STK33: variants seen among roughly 807,000 people sequenced by gnomAD.
The protein encoded by STK33 is serine/threonine kinase 33.
A neutral mutation model predicts 58.0 loss-of-function variants in STK33; 52 were observed. The ratio of observed to expected loss-of-function variants is 0.90; its 90% CI spans 0.72 to 1.13. STK33 has a LOEUF of 1.13. Among genes scored for constraint, STK33 ranks in the 50% most tolerant of loss-of-function variants. The pLI, the probability that STK33 is intolerant of heterozygous loss-of-function variation, is 0.00. For synonymous variants in STK33, 215 were observed against 200.1 expected (o/e 1.07, Z -0.63); for missense variants, 630 against 604.2 (o/e 1.04, Z -0.45).
the STK33 span, among the ~76,000 whole-genome samples, chr11:8,373,741 T>C: frequency 6.6e-6 from 1 of 152,072 alleles, no homozygotes; most frequent in South Asian, 2.1e-4. Context: ...CTGCAGGTTG[T>C]GGGGCGTGGA....
chr11:8,492,002 A>G lies in STK33; in HGVS notation c.-465-11388T>C, dbSNP rs183943811. On this transcript the variant is annotated intron_variant, in intron 1 of 15. Transcript: ENST00000687296. ...CCACTGCAAAAACACGCCAAATTGTAAAGACCATCAATGCTAGGAAGAAAC... is the reference window on the plus strand; with the variant it reads ...CCACTGCAAAAACACGCCAAATTGTGAAGACCATCAATGCTAGGAAGAAAC... 2.1e-3 allele frequency among the ~76,000 whole-genome samples: 321 copies of G among 152,348 alleles called. 1 individual carries two copies. The highest frequency in any genetic ancestry group is 4.1e-3 in the Admixed American group (63 of 15,298).
At chr11:8,384,262 CTG>C in the STK33 span, among the ~76,000 whole-genome samples, 1 of 152,202 alleles carries the variant, frequency 6.6e-6, no homozygotes, top group Non-Finnish European at 1.5e-5. Context: ...TGAAGGAACA[CTG>C]TGAGAAGTGA....
At chr11:8,568,793 GAC>G (rs1468342685) in intron 1 of STK33, among the ~76,000 whole-genome samples, 21 of 152,082 alleles carry the variant, frequency 1.4e-4, no homozygotes, top group Non-Finnish European at 2.2e-4. Context: ...ATCCTTTGTA[GAC>G]AGACCTTAAT....
the STK33 span, among the ~76,000 whole-genome samples, chr11:8,375,284 T>C: frequency 6.6e-6 from 1 of 152,236 alleles, no homozygotes; most frequent in African/African-American, 2.4e-5. Context: ...CCAATGTACA[T>C]CTTTCTAACA....
At chr11:8,592,528 A>G (rs1241636396) in intron 1 of STK33, among the ~76,000 whole-genome samples, 1 of 152,194 alleles carries the variant, frequency 6.6e-6, no homozygotes, top group Non-Finnish European at 1.5e-5. Flanking sequence ...CTTTCTGAAA[A>G]ACAGTATGGC....
At chr11:8,374,655 A>C in the STK33 span, among the ~76,000 whole-genome samples, 1 of 152,168 alleles carries the variant, frequency 6.6e-6, no homozygotes, top group Non-Finnish European at 1.5e-5. Flanking sequence ...ACCTCTATAA[A>C]ATCCCTACCT....
chr11:8,578,634 A>T (rs1023036230), intron 1 of STK33, among the ~76,000 whole-genome samples: 4 of 151,916 alleles, frequency 2.6e-5, no homozygotes, highest in African/African-American at 9.7e-5. Flanking sequence ...CTCTGAAAGC[A>T]TACTCAATTG....
intron 8 of STK33, among the ~76,000 whole-genome samples, chr11:8,459,528 T>C (rs1459678468): frequency 1.3e-5 from 2 of 152,010 alleles, no homozygotes; most frequent in Non-Finnish European, 2.9e-5. Context: ...CTGGGCAAAA[T>C]ATATAAAACA....
At chr11:8,425,193 T>C (rs1214940632) in intron 14 of STK33, among the ~76,000 whole-genome samples, 2 of 152,186 alleles carry the variant, frequency 1.3e-5, no homozygotes, top group African/African-American at 4.8e-5. Context: ...CAGTTTCAGC[T>C]TTCTACATAT....
the STK33 span, among the ~76,000 whole-genome samples, chr11:8,345,507 C>T: frequency 5.3e-3 from 810 of 152,360 alleles, 5 homozygotes; most frequent in Non-Finnish European, 7.6e-3. Flanking sequence ...ACGGAGCTAA[C>T]GGTGTAATGA....
chr11:8,583,747 G>C (rs1183670576), intron 1 of STK33, among the ~76,000 whole-genome samples: 3 of 151,942 alleles, frequency 2.0e-5, no homozygotes, highest in African/African-American at 4.8e-5. Flanking sequence ...CTCATCTAAA[G>C]AATCAAATAA....
chr11:8,343,738 C>A, the STK33 span, among the ~76,000 whole-genome samples: 1 of 152,168 alleles, frequency 6.6e-6, no homozygotes, highest in African/African-American at 2.4e-5. Context: ...CTCCACTGCC[C>A]CAGACTGATT....
rs571493320 is a variant in STK33 at position 8,496,045 on chromosome 11, T to C, written c.-465-15431A>G. Among the ~76,000 whole-genome samples the C allele has an allele frequency of 4.5e-4, 69 of 152,164 alleles. 1 individual carries two copies. Among genetic ancestry groups the C allele is most frequent in the Non-Finnish European group, 7.2e-4 (49 of 68,010 alleles). On this transcript the variant is annotated intron_variant, in intron 1 of 15. Coordinates refer to ENST00000687296, the MANE Select transcript of STK33 (RefSeq NM_001352389.2). ...CAAACCAACATGGTTCACGCATACC[T>C]ATGTAACAAACCTACATGTTGTGCA...
the STK33 span, among the ~76,000 whole-genome samples, chr11:8,335,988 C>T: frequency 2.0e-5 from 3 of 152,196 alleles, no homozygotes; most frequent in Admixed American, 1.3e-4. Flanking sequence ...GGAGAGTGGA[C>T]TTGCTCATGG....
At chr11:8,407,916 T>C (rs1258585409) in intron 15 of STK33, among the ~76,000 whole-genome samples, 1 of 151,932 alleles carries the variant, frequency 6.6e-6, no homozygotes, top group African/African-American at 2.4e-5. Flanking sequence ...AAATCAAAGA[T>C]AAAGAGATGA....
intron 1 of STK33, among the ~76,000 whole-genome samples, chr11:8,583,441 C>G (rs374928146): frequency 3.3e-5 from 5 of 152,178 alleles, no homozygotes; most frequent in Admixed American, 2.0e-4. Context: ...ACTCAAGAAC[C>G]CTCTGCTTCA....
intron 15 of STK33, among the ~76,000 whole-genome samples, chr11:8,406,610 G>C (rs1319136053): frequency 6.6e-6 from 1 of 152,098 alleles, no homozygotes; most frequent in Non-Finnish European, 1.5e-5. Context: ...TTTTCACTAA[G>C]TGTTTTATGT....
At chr11:8,371,619 C>A in the STK33 span, among the ~76,000 whole-genome samples, 6 of 131,072 alleles carry the variant, frequency 4.6e-5, no homozygotes, top group African/African-American at 1.8e-4. Flanking sequence ...CTTTCTCTTT[C>A]TTTTCCTTCC....
chr11:8,499,907 C>G (rs1565203198), intron 1 of STK33, among the ~76,000 whole-genome samples: 1 of 151,990 alleles, frequency 6.6e-6, no homozygotes, highest in Non-Finnish European at 1.5e-5. Context: ...ACATCACACA[C>G]CAGGGCCTGT....
Sources: allele counts gnomAD v4.1 joint callset (sites outside exome capture counted in the v4.1 genomes callset), GRCh38; gene constraint gnomAD v4.1.1; transcripts MANE v1.5; gene names NCBI Gene and HGNC (gene_info 2026-07-23, HGNC 2026-07-21).